The following CTNNA3 variants were observed in gnomAD, a reference collection of about 807,000 sequenced individuals.
The protein encoded by CTNNA3 is catenin alpha-3.
A neutral mutation model predicts 95.7 loss-of-function variants in CTNNA3; 76 were observed. The ratio of observed to expected loss-of-function variants is 0.79; its 90% CI spans 0.66 to 0.96. The LOEUF is 0.96. Ranked by LOEUF, CTNNA3 falls within the 40% of genes least tolerant of loss-of-function variation. The pLI, the probability that CTNNA3 is intolerant of heterozygous loss-of-function variation, is 0.00. For synonymous variants in CTNNA3, 431 were observed against 374.4 expected, an observed-to-expected ratio of 1.15 and a Z score of -1.74; for missense variants, 1,191 against 1,089.8, an observed-to-expected ratio of 1.09 and a Z score of -1.31.
intron 13 of CTNNA3, among the ~76,000 whole-genome samples, chr10:66,280,197 C>A (rs2091468340): frequency 6.6e-6 from 1 of 152,020 alleles, no homozygotes; most frequent in Non-Finnish European, 1.5e-5. Flanking sequence ...CTAAGAGACA[C>A]CTCAACAAAT....
At chr10:66,804,530 CT>C (rs993491942) in intron 7 of CTNNA3, among the ~76,000 whole-genome samples, 2 of 151,938 alleles carry the variant, frequency 1.3e-5, no homozygotes, top group Non-Finnish European at 2.9e-5. Flanking sequence ...TTTATTTTGC[CT>C]TTTTTCTTTG....
intron 12 of CTNNA3, among the ~76,000 whole-genome samples, chr10:66,303,326 T>C (rs2091890021): frequency 6.6e-6 from 1 of 152,102 alleles, no homozygotes; most frequent in Non-Finnish European, 1.5e-5. Flanking sequence ...AAACAATAGT[T>C]ATGAAAATTT....
chr10:67,575,432 GCTTTTCTCTGGGGC>G (rs1272752838), intron 3 of CTNNA3, among the ~76,000 whole-genome samples: 1 of 152,018 alleles, frequency 6.6e-6, no homozygotes, highest in Non-Finnish European at 1.5e-5. Flanking sequence ...CCATAAAACA[GCTTTTCTCTGGGGC>G]CATACTCCCC....
chr10:66,564,143 A>G (rs1842635750), intron 10 of CTNNA3, among the ~76,000 whole-genome samples: 2 of 152,138 alleles, frequency 1.3e-5, no homozygotes, highest in South Asian at 2.1e-4. Flanking sequence ...ACTCTCCTTT[A>G]TAGGAATAAT....
intron 7 of CTNNA3, among the ~76,000 whole-genome samples, chr10:67,096,713 T>C (rs952683365): frequency 6.6e-6 from 1 of 151,898 alleles, no homozygotes; most frequent in South Asian, 2.1e-4. Context: ...CTTCTCACCA[T>C]GGTCATGCTT....
intron 10 of CTNNA3, among the ~76,000 whole-genome samples, chr10:66,562,325 A>G (rs574472357): frequency 2.0e-4 from 30 of 152,090 alleles, no homozygotes; most frequent in Non-Finnish European, 2.8e-4. Context: ...TATTACCCTC[A>G]TTTCAAAAAG....
intron 1 of CTNNA3, among the ~76,000 whole-genome samples, chr10:67,753,921 C>G (rs1248488222): frequency 6.6e-6 from 1 of 152,204 alleles, no homozygotes; most frequent in Non-Finnish European, 1.5e-5. Flanking sequence ...CCTCAGGGAT[C>G]TAAAACCAGA....
At chr10:66,971,904 T>A (rs1849744306) in intron 7 of CTNNA3, among the ~76,000 whole-genome samples, 1 of 152,186 alleles carries the variant, frequency 6.6e-6, no homozygotes, top group Admixed American at 6.5e-5. Flanking sequence ...CATATTCTTT[T>A]TTTTTTAAAC....
intron 5 of CTNNA3, among the ~76,000 whole-genome samples, chr10:67,220,920 T>C (rs1864623140): frequency 6.6e-6 from 1 of 152,124 alleles, no homozygotes; most frequent in Admixed American, 6.5e-5. Flanking sequence ...TCCAGTCTAA[T>C]CATGAGAAAA....
chr10:66,807,117 G>C (rs1431361680), intron 7 of CTNNA3, among the ~76,000 whole-genome samples: 2 of 151,994 alleles, frequency 1.3e-5, no homozygotes, highest in East Asian at 1.9e-4. Flanking sequence ...GTTTATCAAT[G>C]ATGAGGCCAA....
rs566365460 is a variant in CTNNA3 at position 67,742,984 on chromosome 10, G to A, written c.-2+20450C>T. Among the ~76,000 whole-genome samples, 20 of 151,018 alleles carry A rather than the reference G, an allele frequency of 1.3e-4. No homozygotes were observed. In the East Asian group the frequency reaches 1.7e-3, roughly 13 times the overall value. ...TTGAATCTCTGAACAGACCAATAACGGGGTCTGAAATTGAGGCAATAATCA... is the reference window on the plus strand; with the variant it reads ...TTGAATCTCTGAACAGACCAATAACAGGGTCTGAAATTGAGGCAATAATCA... On this transcript the variant is annotated intron_variant, in intron 1 of 17. Transcript: ENST00000684154.
chr10:66,832,094 T>A (rs1240386644), intron 7 of CTNNA3, among the ~76,000 whole-genome samples: 2 of 152,156 alleles, frequency 1.3e-5, no homozygotes, highest in Non-Finnish European at 2.9e-5. Context: ...CCAGAAGCAC[T>A]GCAAACCACT....
At chr10:66,885,585 A>G (rs1379059578) in intron 7 of CTNNA3, among the ~76,000 whole-genome samples, 2 of 152,140 alleles carry the variant, frequency 1.3e-5, no homozygotes, top group Non-Finnish European at 2.9e-5. Flanking sequence ...AATAGGATAT[A>G]CTACCTTTAT....
At chr10:67,330,560 TTA>T (rs1398390437) in intron 5 of CTNNA3, among the ~76,000 whole-genome samples, 1 of 152,140 alleles carries the variant, frequency 6.6e-6, no homozygotes, top group Non-Finnish European at 1.5e-5. Flanking sequence ...AACTACAGGC[TTA>T]ATAGCTTCCT....
chr10:67,044,175 ATAAG>A (rs1854583240), intron 7 of CTNNA3, among the ~76,000 whole-genome samples: 5 of 152,048 alleles, frequency 3.3e-5, no homozygotes, highest in Admixed American at 2.6e-4. Flanking sequence ...GCTCTCACTT[ATAAG>A]TGAGAACATG....
chr10:66,108,953 G>A (rs1564652757), intron 13 of CTNNA3, among the ~76,000 whole-genome samples: 1 of 152,154 alleles, frequency 6.6e-6, no homozygotes, highest in Non-Finnish European at 1.5e-5. Context: ...ATGGAAACTA[G>A]AGATGAGATT....
intron 7 of CTNNA3, among the ~76,000 whole-genome samples, chr10:66,966,457 C>T (rs1031260727): frequency 6.7e-6 from 1 of 149,596 alleles, no homozygotes; most frequent in African/African-American, 2.4e-5. Context: ...AATTAATATG[C>T]AGCTGGGTTA....
chr10:67,222,254 T>A (rs1423234622), intron 5 of CTNNA3, among the ~76,000 whole-genome samples: 1 of 152,206 alleles, frequency 6.6e-6, no homozygotes, highest in Non-Finnish European at 1.5e-5. Flanking sequence ...ATCAACCCAC[T>A]GTTCATAGTC....
At chr10:67,701,774 A>G (rs964004016) in intron 1 of CTNNA3, among the ~76,000 whole-genome samples, 69 of 152,094 alleles carry the variant, frequency 4.5e-4, no homozygotes, top group African/African-American at 1.6e-3. Context: ...CACACATAAC[A>G]ATATTAACTT....
Sources: allele counts gnomAD v4.1 joint callset (sites outside exome capture counted in the v4.1 genomes callset), GRCh38; gene constraint gnomAD v4.1.1; transcripts MANE v1.5; gene names NCBI Gene and HGNC (gene_info 2026-07-23, HGNC 2026-07-21).